Variants in DCHS2 observed in about 807,000 individuals in gnomAD.
The protein encoded by DCHS2 is dachsous cadherin-related 2.
In DCHS2, 142 loss-of-function variants were observed where a neutral mutation model predicts 182.4. The observed-to-expected ratio is 0.78, with a 90% CI of 0.68 to 0.89. The LOEUF is 0.89. DCHS2 is among the 40% of genes least tolerant of loss of function. The probability of loss-of-function intolerance (pLI) is 0.00; values close to 1 mark genes in which losing one functional copy is unlikely to be tolerated. For missense variants in DCHS2, 4,319 were observed against 4,198.6 expected (o/e 1.03, Z -0.79); for synonymous variants, 1,740 against 1,663.3 (o/e 1.05, Z -1.12).
rs1254910622 is a variant in DCHS2, at chr4:154,315,875, T to G, written c.5133A>C (p.Thr1711=). The G allele has an allele frequency of 8.7e-6, 14 of 1,614,024 alleles. No individual in the cohort carries two copies. Among genetic ancestry groups the G allele is most frequent in the Non-Finnish European group, 1.2e-5 (14 of 1,179,972 alleles). Reference sequence around the variant, plus strand: ...CATCATTTACATCAAGAACAGTAACTGTCAAAGTCTGGGATGAAGAAAGTG... The same window carrying G: ...CATCATTTACATCAAGAACAGTAACGGTCAAAGTCTGGGATGAAGAAAGTG... The part of the protein sequence containing the change: ...TPALSSSQTL[T]VTVLDVNDEA... Residue 1711 remains threonine (T), a synonymous_variant, in exon 10 of 20, where the codon ACA becomes ACC. Transcript: ENST00000357232.
chr4:154,318,569 T>C (rs1211733540), intron 9 of DCHS2, among the ~76,000 whole-genome samples: 3 of 151,832 alleles, frequency 2.0e-5, no homozygotes, highest in Non-Finnish European at 4.4e-5. Context: ...AGGAACTGTC[T>C]GAAAAGGAAA....
At chr4:154,376,207 T>C (rs1730884402) in intron 2 of DCHS2, among the ~76,000 whole-genome samples, 1 of 152,122 alleles carries the variant, frequency 6.6e-6, no homozygotes, top group Non-Finnish European at 1.5e-5. Context: ...TATACACTTA[T>C]TATTTGTGCA....
intron 13 of DCHS2, among the ~76,000 whole-genome samples, chr4:154,286,340 C>T (rs1038672460): frequency 3.9e-5 from 6 of 152,008 alleles, no homozygotes; most frequent in African/African-American, 1.4e-4. Flanking sequence ...GAAAACATGA[C>T]CTTACCAAAT....
In DCHS2 at chr4:154,343,425, G is replaced by C. The variant is rs1729203684; in HGVS notation, c.2477-8321C>G. 3.0e-6 allele frequency: 4 copies of C among 1,335,388 alleles called. No homozygotes were observed. The East Asian group carries it at 1.1e-4, about 37-fold the overall frequency. 82.7% of individuals were successfully genotyped at this position (1,335,388 alleles called of 1,614,324 possible). On this transcript the variant is annotated intron_variant, in intron 3 of 19. Transcript: ENST00000357232. ...TAGATGGCATCTTATTTCATATAAG[G>C]CTGTTTCATCTACATTGAAAATCTA...
rs1246564981 is a variant in DCHS2 at position 154,454,774 on chromosome 4, C to A, written c.2052+34530G>T. Among the ~76,000 whole-genome samples, 3 of 152,166 alleles carry A rather than the reference C, an allele frequency of 2.0e-5. No homozygotes were observed. The East Asian group carries it at 5.8e-4, about 29-fold the overall frequency. On this transcript the variant is annotated intron_variant, in intron 1 of 19. Transcript: ENST00000357232. ...TCCTCTAAAGTATTAACAAGTGATA[C>A]CAGCTCATAGTACAGTTGCTTTTCA...
intron 13 of DCHS2, among the ~76,000 whole-genome samples, chr4:154,287,672 G>A (rs1734465785): frequency 6.6e-6 from 1 of 151,974 alleles, no homozygotes; most frequent in Non-Finnish European, 1.5e-5. Context: ...AAGTAGAGAT[G>A]GGTTTCATCA....
At chr4:154,380,667 A>G (rs1731127679) in intron 1 of DCHS2, among the ~76,000 whole-genome samples, 1 of 152,144 alleles carries the variant, frequency 6.6e-6, no homozygotes, top group Non-Finnish European at 1.5e-5. Flanking sequence ...TAAGGAGACA[A>G]AAGTAGGATA....
chr4:154,257,663 T>A (rs1732758573), intron 15 of DCHS2, among the ~76,000 whole-genome samples: 1 of 152,108 alleles, frequency 6.6e-6, no homozygotes, highest in South Asian at 2.1e-4. Flanking sequence ...AGGAGGGCAT[T>A]GAGCAATGTG....
At chr4:154,414,975 G>A (rs946316905) in intron 1 of DCHS2, among the ~76,000 whole-genome samples, 3 of 152,138 alleles carry the variant, frequency 2.0e-5, no homozygotes, top group African/African-American at 4.8e-5. Context: ...AGGTGATGCC[G>A]CGGCTACAGC....
At chr4:154,293,206 T>TG (rs1256587710) in intron 13 of DCHS2, among the ~76,000 whole-genome samples, 1 of 58,582 alleles carries the variant, frequency 1.7e-5, no homozygotes, top group Non-Finnish European at 3.5e-5. Context: ...GGTATTCGAT[T>TG]TTTTTTTTTC....
Position 154,490,304 on chromosome 4 carries a change from C to A in DCHS2, c.1052G>T (p.Gly351Val). ...PGAGSGGGAL[G>V]DAAYFAVEEL... ...CTCCACCGCGAAGTAGGCCGCGTCG[C>A]CCAGTGCCCCGCCGCCGCTACCCGC... The change falls in exon 1 of 20, where the codon GGC becomes GTC. Residue 351 changes from glycine (G) to valine (V), a missense_variant. Physicochemically the swap from Gly to Val is moderately radical, Grantham distance 109 (BLOSUM62 -3). Transcript: ENST00000357232. 6.5e-7 allele frequency: 1 copy of A among 1,546,282 alleles called. No individual in the cohort carries two copies.
chr4:154,394,661 G>T (rs1731857818), intron 1 of DCHS2, among the ~76,000 whole-genome samples: 2 of 152,230 alleles, frequency 1.3e-5, no homozygotes, highest in Admixed American at 1.3e-4. Context: ...CTCTGACCAT[G>T]CTTGATGCAT....
chr4:154,443,266 TC>T (rs1220556272), intron 1 of DCHS2, among the ~76,000 whole-genome samples: 3 of 152,190 alleles, frequency 2.0e-5, no homozygotes, highest in Non-Finnish European at 4.4e-5. Context: ...TTACACTGGC[TC>T]ATCTCCCTTA....
At chr4:154,242,433 G>A (rs1283381137) in intron 17 of DCHS2, among the ~76,000 whole-genome samples, 2 of 151,914 alleles carry the variant, frequency 1.3e-5, no homozygotes, top group Non-Finnish European at 1.5e-5. Context: ...TGGAGCATGG[G>A]GACTTGCTTT....
At chr4:154,245,501 A>T (rs1238517057) in intron 16 of DCHS2, among the ~76,000 whole-genome samples, 1 of 152,002 alleles carries the variant, frequency 6.6e-6, no homozygotes, top group Non-Finnish European at 1.5e-5. Flanking sequence ...ATTTTTCAAA[A>T]CTCTCAATTA....
At chr4:154,240,440 G>A in intron 18 of DCHS2, 97 bp downstream of exon 18, 2 of 1,423,594 alleles carry the variant, frequency 1.4e-6, no homozygotes, top group South Asian at 2.9e-5. Flanking sequence ...AGTGAATGCT[G>A]TCTATCTGAA....
Position 154,446,765 on chromosome 4 carries a change from T to A in DCHS2, c.2052+42539A>T, listed in dbSNP as rs191622889. Among the ~76,000 whole-genome samples, 683 of 152,220 alleles carry A rather than the reference T, an allele frequency of 4.5e-3. 4 individuals are homozygous for A. The highest frequency in any genetic ancestry group is 6.5e-3 in the Non-Finnish European group (439 of 68,006). ...AGATTTCAAGAATAAAGCAAGTTAC[T>A]GGCTAGAAAAAAAAAGGAGGCAAAT... On this transcript the variant is annotated intron_variant, in intron 1 of 19. Transcript: ENST00000357232.
intron 1 of DCHS2, chr4:154,384,287 T>C: frequency 6.4e-7 from 1 of 1,553,724 alleles, no homozygotes; most frequent in South Asian, 1.2e-5. Context: ...ACACAGCTAG[T>C]CATTGCCTCC....
intron 3 of DCHS2, among the ~76,000 whole-genome samples, chr4:154,335,642 A>G (rs1299024806): frequency 2.6e-5 from 4 of 152,158 alleles, no homozygotes; most frequent in African/African-American, 7.2e-5. Flanking sequence ...TAATCACATG[A>G]GCCAATTCCT....
Sources: allele counts gnomAD v4.1 joint callset (sites outside exome capture counted in the v4.1 genomes callset), GRCh38; gene constraint gnomAD v4.1.1; transcripts MANE v1.5; gene names NCBI Gene and HGNC (gene_info 2026-07-23, HGNC 2026-07-21).